RBM20: variants seen among roughly 807,000 people sequenced by gnomAD.
The protein encoded by RBM20 is RNA binding motif protein 20.
Under a neutral mutation model 110.1 loss-of-function variants are expected in RBM20, and 51 were observed. The observed-to-expected ratio is 0.46, with a 90% CI of 0.37 to 0.59. RBM20 has a LOEUF of 0.59. RBM20 is among the 20% of genes least tolerant of loss of function. RBM20 has a pLI of 0.00. For missense variants in RBM20, 1,512 were observed against 1,574.9 expected (o/e 0.96, Z 0.68); for synonymous variants, 589 against 618.2 (o/e 0.95, Z 0.70).
chr10:110,728,594 G>T (rs1196380516), intron 1 of RBM20, among the ~76,000 whole-genome samples: 1 of 152,100 alleles, frequency 6.6e-6, no homozygotes, highest in African/African-American at 2.4e-5. Flanking sequence ...TCTTGGGAGG[G>T]TGTCATTCAT....
At chr10:110,754,742 A>G (rs989496836) in intron 1 of RBM20, among the ~76,000 whole-genome samples, 1 of 152,178 alleles carries the variant, frequency 6.6e-6, no homozygotes, top group African/African-American at 2.4e-5. Flanking sequence ...GATATTTGCA[A>G]GCTTGTTTAC....
intron 9 of RBM20, among the ~76,000 whole-genome samples, chr10:110,814,008 C>G (rs1189362000): frequency 6.6e-6 from 1 of 152,098 alleles, no homozygotes; most frequent in Non-Finnish European, 1.5e-5. Flanking sequence ...CCAGAGCCTT[C>G]TATATTTAAG....
intron 1 of RBM20, among the ~76,000 whole-genome samples, chr10:110,731,268 A>G (rs1187557121): frequency 6.6e-6 from 1 of 152,174 alleles, no homozygotes; most frequent in Admixed American, 6.5e-5. Context: ...ATTCAAACAA[A>G]AAACAAGGAA....
chr10:110,813,004 A>G, intron 9 of RBM20, 57 bp downstream of exon 9: 2 of 1,165,848 alleles, frequency 1.7e-6, no homozygotes, highest in Admixed American at 6.0e-5. Flanking sequence ...GAGAATAATC[A>G]TAATAATATA....
At chr10:110,707,000 G>C (rs1862850804) in intron 1 of RBM20, among the ~76,000 whole-genome samples, 1 of 152,154 alleles carries the variant, frequency 6.6e-6, no homozygotes, top group Non-Finnish European at 1.5e-5. Flanking sequence ...ACCCAGGGAG[G>C]CTCTAGGATG....
chr10:110,718,501 T>C (rs1843461729), intron 1 of RBM20, among the ~76,000 whole-genome samples: 1 of 152,134 alleles, frequency 6.6e-6, no homozygotes, highest in South Asian at 2.1e-4. Flanking sequence ...GATAGTTTGT[T>C]TTATTTTTTA....
intron 1 of RBM20, among the ~76,000 whole-genome samples, chr10:110,653,631 A>T (rs1419589762): frequency 2.0e-5 from 3 of 151,932 alleles, no homozygotes; most frequent in African/African-American, 7.3e-5. Context: ...ATCACAGCTC[A>T]CTGCAGCCTT....
intron 1 of RBM20, among the ~76,000 whole-genome samples, chr10:110,707,965 T>C (rs529542467): frequency 1.2e-4 from 18 of 152,370 alleles, no homozygotes; most frequent in African/African-American, 4.3e-4. Context: ...TATTATATGT[T>C]GTACCTCTGT....
intron 1 of RBM20, among the ~76,000 whole-genome samples, chr10:110,743,394 A>G (rs1843743355): frequency 6.6e-6 from 1 of 152,180 alleles, no homozygotes; most frequent in South Asian, 2.1e-4. Flanking sequence ...TCAAATGACA[A>G]GTTTAACGTG....
chr10:110,741,060 T>A (rs1843719889), intron 1 of RBM20, among the ~76,000 whole-genome samples: 1 of 152,166 alleles, frequency 6.6e-6, no homozygotes, highest in Non-Finnish European at 1.5e-5. Context: ...AGATGGCAAT[T>A]CTCATCTCTG....
intron 1 of RBM20, among the ~76,000 whole-genome samples, chr10:110,656,784 T>C (rs1280101930): frequency 1.3e-5 from 2 of 152,240 alleles, no homozygotes; most frequent in East Asian, 1.9e-4. Flanking sequence ...TCATCCATAC[T>C]GTGTCATGTG....
chr10:110,792,194 T>C (rs1344390305), intron 5 of RBM20, among the ~76,000 whole-genome samples: 2 of 152,152 alleles, frequency 1.3e-5, no homozygotes, highest in Non-Finnish European at 2.9e-5. Context: ...TATCTATGTA[T>C]CCATCATTTG....
chr10:110,741,878 C>T (rs983067527), intron 1 of RBM20, among the ~76,000 whole-genome samples: 8 of 152,252 alleles, frequency 5.3e-5, no homozygotes, highest in Admixed American at 1.3e-4. Flanking sequence ...CTAGAATGCC[C>T]ACTTCCCACC....
chr10:110,750,507 G>C (rs1314641226), intron 1 of RBM20, among the ~76,000 whole-genome samples: 1 of 152,204 alleles, frequency 6.6e-6, no homozygotes, highest in African/African-American at 2.4e-5. Context: ...AAGAACGCGT[G>C]GGGAAGAGCA....
Position 110,781,691 on chromosome 10 carries a change from C to T in RBM20, c.1082C>T (p.Pro361Leu). 2.6e-6 allele frequency: 4 copies of T among 1,550,312 alleles called. No homozygotes were observed. The highest frequency in any genetic ancestry group is 3.5e-6 in the Non-Finnish European group (4 of 1,145,938). Residue 361 changes from proline to leucine, a missense_variant, in exon 2 of 14, where the codon CCT (proline) becomes CTT (leucine). Pro to Leu is a moderately conservative substitution (Grantham distance 98). Coordinates refer to ENST00000369519, the MANE Select transcript of RBM20 (RefSeq NM_001134363.3). ...DPEEPTSDRT[P>L]PSFGGRLNNS... ...GAGGAACCAACCTCAGACAGGACAC[C>T]TCCTTCCTTCGGGGGTCGGCTTAAC...
intron 7 of RBM20, among the ~76,000 whole-genome samples, chr10:110,805,969 C>T (rs1278187249): frequency 6.6e-6 from 1 of 152,170 alleles, no homozygotes; most frequent in East Asian, 1.9e-4. Flanking sequence ...CGTTCTCACA[C>T]TGCTTTAAAG....
intron 1 of RBM20, among the ~76,000 whole-genome samples, chr10:110,718,995 A>G (rs1285436168): frequency 6.6e-6 from 1 of 152,234 alleles, no homozygotes; most frequent in Non-Finnish European, 1.5e-5. Context: ...CTGTTGATGG[A>G]CATTGAGTTA....
intron 1 of RBM20, among the ~76,000 whole-genome samples, chr10:110,693,013 A>G (rs1862609752): frequency 6.6e-6 from 1 of 152,146 alleles, no homozygotes; most frequent in African/African-American, 2.4e-5. Flanking sequence ...GACATCGATT[A>G]GATGCTCATG....
chr10:110,672,442 C>T (rs567725889), intron 1 of RBM20, among the ~76,000 whole-genome samples: 17 of 152,374 alleles, frequency 1.1e-4, no homozygotes, highest in African/African-American at 3.8e-4. Flanking sequence ...ACCCTGCGTC[C>T]CCGCTCTGCA....
Sources: allele counts gnomAD v4.1 joint callset (sites outside exome capture counted in the v4.1 genomes callset), GRCh38; gene constraint gnomAD v4.1.1; transcripts MANE v1.5; gene names NCBI Gene and HGNC (gene_info 2026-07-23, HGNC 2026-07-21).